PLGRKT: variants seen among roughly 807,000 people sequenced by gnomAD.
PLGRKT encodes plasminogen receptor with a C-terminal lysine.
In PLGRKT, 22 loss-of-function variants were observed where a neutral mutation model predicts 18.5. That is an observed-to-expected ratio of 1.19 (90% CI 0.85 to 1.70). The LOEUF is 1.70. Ranked by LOEUF, PLGRKT falls within the 40% of genes most tolerant of loss-of-function variation. The pLI is 0.00. For missense variants in PLGRKT, 235 were observed against 174.4 expected (o/e 1.35, Z -1.96); for synonymous variants, 72 against 52.8 (o/e 1.36, Z -1.58).
intron 3 of PLGRKT, among the ~76,000 whole-genome samples, chr9:5,423,819 C>A (rs1373896309): frequency 2.0e-5 from 3 of 146,974 alleles, no homozygotes; most frequent in African/African-American, 7.9e-5. Flanking sequence ...CCTCCCACCT[C>A]AGACTCCTGA....
chr9:5,375,482 C>G (rs534412503), intron 3 of PLGRKT, among the ~76,000 whole-genome samples: 27 of 152,144 alleles, frequency 1.8e-4, no homozygotes, highest in African/African-American at 6.5e-4. Flanking sequence ...AAATCAAAGC[C>G]CTAAATGTAC....
chr9:5,362,230 G>C (rs1041813040), intron 3 of PLGRKT, among the ~76,000 whole-genome samples: 6 of 152,326 alleles, frequency 3.9e-5, no homozygotes, highest in Non-Finnish European at 2.9e-5. Flanking sequence ...TTTAAATGTA[G>C]ATACATCTTA....
intron 3 of PLGRKT, among the ~76,000 whole-genome samples, chr9:5,370,243 C>T (rs1817487903): frequency 6.6e-6 from 1 of 152,116 alleles, no homozygotes; most frequent in African/African-American, 2.4e-5. Context: ...ATATTAAGAA[C>T]AGCCACAAAA....
intron 3 of PLGRKT, among the ~76,000 whole-genome samples, chr9:5,423,087 C>T (rs1486830666): frequency 6.6e-6 from 1 of 152,128 alleles, no homozygotes; most frequent in Non-Finnish European, 1.5e-5. Flanking sequence ...GCTCCATAGT[C>T]TGCTGGCACT....
At chr9:5,382,414 A>C (rs1419599358) in intron 3 of PLGRKT, among the ~76,000 whole-genome samples, 1 of 152,210 alleles carries the variant, frequency 6.6e-6, no homozygotes, top group African/African-American at 2.4e-5. Flanking sequence ...GGAGTTAGCC[A>C]GGTGAGGGGA....
chr9:5,371,266 C>T (rs1184954688), intron 3 of PLGRKT, among the ~76,000 whole-genome samples: 6 of 152,170 alleles, frequency 3.9e-5, no homozygotes, highest in African/African-American at 1.4e-4. Flanking sequence ...GAGCAGCTGA[C>T]AGAACCTAGG....
At chr9:5,364,428 G>A (rs1817338172) in intron 3 of PLGRKT, among the ~76,000 whole-genome samples, 1 of 152,150 alleles carries the variant, frequency 6.6e-6, no homozygotes, top group African/African-American at 2.4e-5. Flanking sequence ...TATCGTGGTG[G>A]ATACATGACA....
At chr9:5,433,774 T>G (rs1451307020) in intron 2 of PLGRKT, among the ~76,000 whole-genome samples, 5 of 112,276 alleles carry the variant, frequency 4.5e-5, no homozygotes, top group Admixed American at 1.7e-4. Flanking sequence ...CCGTCTGGGA[T>G]GTGAGGAGTG....
chr9:5,368,680 C>T (rs186026424), intron 3 of PLGRKT, among the ~76,000 whole-genome samples: 12 of 152,118 alleles, frequency 7.9e-5, no homozygotes, highest in East Asian at 3.9e-4. Context: ...CAAACTTCAG[C>T]GCCACACATA....
chr9:5,413,492 G>C (rs1328335462), intron 3 of PLGRKT, among the ~76,000 whole-genome samples: 1 of 152,210 alleles, frequency 6.6e-6, no homozygotes, highest in African/African-American at 2.4e-5. Flanking sequence ...GGTCCTAAAA[G>C]TGAAAGATGG....
At chr9:5,428,134 G>C (rs1818738728) in intron 3 of PLGRKT, among the ~76,000 whole-genome samples, 1 of 152,158 alleles carries the variant, frequency 6.6e-6, no homozygotes, top group Non-Finnish European at 1.5e-5. Flanking sequence ...GAAATAAATG[G>C]TGTTAACAAT....
At chr9:5,417,033 C>T (rs1818475181) in intron 3 of PLGRKT, among the ~76,000 whole-genome samples, 1 of 152,166 alleles carries the variant, frequency 6.6e-6, no homozygotes, top group Admixed American at 6.5e-5. Flanking sequence ...TTAAATAATG[C>T]ATAATAGTAT....
At chr9:5,364,660 A>G (rs935035647) in intron 3 of PLGRKT, among the ~76,000 whole-genome samples, 2 of 152,256 alleles carry the variant, frequency 1.3e-5, no homozygotes, top group Non-Finnish European at 2.9e-5. Context: ...TAAAAACTGT[A>G]AAACTAAAGA....
intron 3 of PLGRKT, among the ~76,000 whole-genome samples, chr9:5,371,853 G>A (rs1817523728): frequency 6.6e-6 from 1 of 151,604 alleles, no homozygotes; most frequent in East Asian, 1.9e-4. Context: ...ATTCCACTAT[G>A]TCATTCCCAA....
At chr9:5,413,175 GC>G (rs1223585819) in intron 3 of PLGRKT, among the ~76,000 whole-genome samples, 1 of 152,154 alleles carries the variant, frequency 6.6e-6, no homozygotes, top group Non-Finnish European at 1.5e-5. Context: ...ACAAGTACTT[GC>G]CTTTAACTCA....
chr9:5,365,969 C>G (rs1817376590), intron 3 of PLGRKT, among the ~76,000 whole-genome samples: 1 of 152,022 alleles, frequency 6.6e-6, no homozygotes. Context: ...AACTATGGGC[C>G]TAGAGTGAGA....
chr9:5,417,024 T>A (rs757708515), intron 3 of PLGRKT, among the ~76,000 whole-genome samples: 1 of 152,250 alleles, frequency 6.6e-6, no homozygotes, highest in African/African-American at 2.4e-5. Flanking sequence ...CTTTAAACGT[T>A]AAATAATGCA....
intron 3 of PLGRKT, among the ~76,000 whole-genome samples, chr9:5,396,455 T>C (rs1818050532): frequency 6.6e-6 from 1 of 150,748 alleles, no homozygotes; most frequent in African/African-American, 2.5e-5. Context: ...ATGGCTAATT[T>C]TTGTATTTTT....
At chr9:5,415,077 G>T (rs111661406) in intron 3 of PLGRKT, among the ~76,000 whole-genome samples, 1 of 152,148 alleles carries the variant, frequency 6.6e-6, no homozygotes, top group African/African-American at 2.4e-5. Flanking sequence ...AAAGGGACCA[G>T]GACTCCATGA....
Sources: gnomAD v4.1 joint callset for allele counts (sites outside exome capture counted in the v4.1 genomes callset) on GRCh38, gnomAD v4.1.1 for gene constraint, MANE v1.5 for transcripts, NCBI Gene and HGNC (gene_info 2026-07-23, HGNC 2026-07-21) for gene names.